The following ST7 variants were observed in gnomAD, a reference collection of about 807,000 sequenced individuals.
The protein encoded by ST7 is suppression of tumorigenicity 7, also known as suppressor of tumorigenicity 7 protein.
ST7 carries 28 observed loss-of-function variants against 78.7 expected under a neutral mutation model. That is an observed-to-expected ratio of 0.36 (90% CI 0.26 to 0.49). ST7 has a LOEUF of 0.49. Ranked by LOEUF, ST7 falls within the 20% of genes least tolerant of loss-of-function variation. ST7 has a pLI of 0.99. For missense variants in ST7, 418 were observed against 696.0 expected (o/e 0.60, Z 4.49); for synonymous variants, 247 against 249.6 (o/e 0.99, Z 0.10).
chr7:117,152,183 A>ATTT (rs1316149594), intron 9 of ST7, among the ~76,000 whole-genome samples: 121 of 43,362 alleles, frequency 2.8e-3, no homozygotes, highest in African/African-American at 0.018. Flanking sequence ...AAAACTATAT[A>ATTT]TATATATATA....
intron 1 of ST7, among the ~76,000 whole-genome samples, chr7:117,023,975 A>G (rs939089148): frequency 6.6e-6 from 1 of 151,842 alleles, no homozygotes; most frequent in African/African-American, 2.4e-5. Context: ...ACACCCAGCT[A>G]ATTTTTGTAT....
intron 1 of ST7, among the ~76,000 whole-genome samples, chr7:117,056,533 C>T (rs968297726): frequency 6.6e-6 from 1 of 151,746 alleles, no homozygotes; most frequent in Non-Finnish European, 1.5e-5. Context: ...TACTCGGGAG[C>T]CTGAGGCAGG....
intron 12 of ST7, among the ~76,000 whole-genome samples, chr7:117,204,057 A>G (rs1791500008): frequency 6.6e-6 from 1 of 152,198 alleles, no homozygotes. Context: ...TTGACAATTC[A>G]GCTTTGCTTT....
chr7:117,042,822 GT>G lies in ST7; in HGVS notation c.152-56933del, dbSNP rs1327199444. On this transcript the variant is annotated intron_variant, in intron 1 of 15. Coordinates refer to ENST00000323984, the MANE Select transcript of ST7 (RefSeq NM_001369598.1). ...TTTTGAATCTTTGATCCAGTTAGAG[GT>G]TTTTTTCCTTTAAGGGAAAATTCAT... is the stretch of plus-strand genomic sequence containing the variant. 3.3e-5 allele frequency among the ~76,000 whole-genome samples: 5 copies of G among 151,860 alleles called. No homozygotes were observed. In the East Asian group the frequency reaches 7.7e-4, roughly 23 times the overall value.
chr7:117,225,501 A>G (rs1563183032), intron 15 of ST7, among the ~76,000 whole-genome samples: 1 of 152,060 alleles, frequency 6.6e-6, no homozygotes, highest in Non-Finnish European at 1.5e-5. Flanking sequence ...CCTGAATGAG[A>G]CAAGCCCCTT....
intron 1 of ST7, among the ~76,000 whole-genome samples, chr7:116,973,480 C>T (rs1396827396): frequency 1.3e-5 from 2 of 152,190 alleles, no homozygotes; most frequent in Admixed American, 6.5e-5. Context: ...TGACCTCAAA[C>T]TCCTGGGCTC....
intron 1 of ST7, among the ~76,000 whole-genome samples, chr7:117,042,643 T>C (rs1358380343): frequency 2.0e-5 from 3 of 152,190 alleles, no homozygotes; most frequent in South Asian, 4.1e-4. Flanking sequence ...TATGGCATTC[T>C]TCACTCTTGT....
At chr7:117,110,112 T>A (rs960404847) in intron 2 of ST7, among the ~76,000 whole-genome samples, 1 of 152,232 alleles carries the variant, frequency 6.6e-6, no homozygotes, top group Non-Finnish European at 1.5e-5. Context: ...TTAGCATATA[T>A]GTTTTGTGGG....
At chr7:116,971,089 C>T (rs150899259) in intron 1 of ST7, among the ~76,000 whole-genome samples, 2 of 152,152 alleles carry the variant, frequency 1.3e-5, no homozygotes, top group African/African-American at 2.4e-5. Context: ...AATGGGGACT[C>T]GGTAGGGAAA....
Position 117,046,486 on chromosome 7 carries a change from G to A in ST7, c.152-53276G>A, listed in dbSNP as rs1280789122. 2.6e-5 allele frequency among the ~76,000 whole-genome samples: 4 copies of A among 151,948 alleles called. No homozygotes were observed. In the East Asian group the frequency reaches 7.7e-4, roughly 29 times the overall value. ...ATTCCAGCTCATGTGTTACTTCCAT[G>A]AAGCCTTTTTTAGCTTCTCTCAGGG... On this transcript the variant is annotated intron_variant, in intron 1 of 15. Coordinates refer to ENST00000323984, the MANE Select transcript of ST7 (RefSeq NM_001369598.1).
At chr7:117,201,489 T>A (rs1486945396) in intron 12 of ST7, among the ~76,000 whole-genome samples, 1 of 151,734 alleles carries the variant, frequency 6.6e-6, no homozygotes, top group East Asian at 1.9e-4. Flanking sequence ...TTCTCAAACC[T>A]CATCCTATTT....
rs754471159 is a variant in ST7 at position 117,136,188 on chromosome 7, G to A, written c.818G>A (p.Arg273His). 2.0e-5 allele frequency: 32 copies of A among 1,613,456 alleles called. No homozygotes were observed. The highest frequency in any genetic ancestry group is 6.7e-5 in the East Asian group (3 of 44,880). The change falls in exon 8 of 16, where the codon CGC (arginine) becomes CAC (histidine). Residue 273 changes from arginine (R) to histidine (H), a missense_variant. By Grantham distance (29) the Arg-to-His change is conservative (BLOSUM62 0). Around this residue, in one of 4 missense-constraint regions of ST7, gnomAD observed 288 missense variants for 537.1 expected, o/e 0.54. Coordinates refer to ENST00000323984, the MANE Select transcript of ST7 (RefSeq NM_001369598.1). ...ALKAGDGCYR[R>H]SQQLQHHGSQ... is the part of the protein sequence containing the mutation. ...AAGGCTGGAGATGGCTGTTACCGAC[G>A]CTCTCAGCAGCTACAACATCATGGA...
intron 1 of ST7, among the ~76,000 whole-genome samples, chr7:117,018,577 CAAGA>C (rs2115996008): frequency 6.6e-6 from 1 of 151,998 alleles, no homozygotes; most frequent in South Asian, 2.1e-4. Flanking sequence ...ATTCATTGTT[CAAGA>C]AAGAGGCATT....
chr7:117,217,903 T>C (rs941550141), intron 13 of ST7, among the ~76,000 whole-genome samples: 1 of 152,224 alleles, frequency 6.6e-6, no homozygotes, highest in Non-Finnish European at 1.5e-5. Context: ...TGGAATCACA[T>C]ACATAATGTT....
At chr7:117,222,099 A>G in intron 15 of ST7, 37 bp downstream of exon 15, 1 of 1,578,848 alleles carries the variant, frequency 6.3e-7, no homozygotes, top group South Asian at 1.2e-5. Flanking sequence ...TGGGGAATGG[A>G]TGGGGAAAGC....
chr7:117,133,967 T>C (rs1584435010), intron 6 of ST7, among the ~76,000 whole-genome samples, 157 bp from the exon 7 acceptor site: 1 of 152,016 alleles, frequency 6.6e-6, no homozygotes, highest in East Asian at 1.9e-4. Context: ...TTTTTCCTTC[T>C]GAATCTCATG....
chr7:116,990,516 A>G (rs1794378965), intron 1 of ST7, among the ~76,000 whole-genome samples: 1 of 152,108 alleles, frequency 6.6e-6, no homozygotes, highest in African/African-American at 2.4e-5. Flanking sequence ...AATTCCACTG[A>G]AAAAAATAAA....
intron 1 of ST7, among the ~76,000 whole-genome samples, chr7:116,992,667 C>T (rs773192415): frequency 1.3e-5 from 2 of 152,194 alleles, no homozygotes; most frequent in Non-Finnish European, 2.9e-5. Flanking sequence ...GATGAACATT[C>T]GGCTCCTCAT....
intron 12 of ST7, among the ~76,000 whole-genome samples, chr7:117,207,189 G>C (rs984892807): frequency 2.6e-5 from 4 of 151,402 alleles, no homozygotes; most frequent in Non-Finnish European, 4.4e-5. Flanking sequence ...GTGTTGCCCA[G>C]GCTGGAGTGC....
Sources: allele counts gnomAD v4.1 joint callset (sites outside exome capture counted in the v4.1 genomes callset), GRCh38; gene constraint gnomAD v4.1.1; regional missense constraint gnomAD v4.1.1; transcripts MANE v1.5; gene names NCBI Gene and HGNC (gene_info 2026-07-23, HGNC 2026-07-21).